Variants in CNTNAP5 observed in about 807,000 individuals in gnomAD.
The protein encoded by CNTNAP5 is contactin-associated protein-like 5.
In CNTNAP5, 72 loss-of-function variants were observed where a neutral mutation model predicts 150.2. The ratio of observed to expected loss-of-function variants is 0.48; its 90% CI spans 0.40 to 0.58. The LOEUF is 0.58. Among genes scored for constraint, CNTNAP5 ranks in the 20% least tolerant of loss-of-function variants. CNTNAP5 has a pLI of 0.00. For synonymous variants in CNTNAP5, 672 were observed against 619.8 expected, an observed-to-expected ratio of 1.08 and a Z score of -1.25; for missense variants, 1,636 against 1,626.2, an observed-to-expected ratio of 1.01 and a Z score of -0.10.
chr2:124,442,830 G>A (rs1352581593), intron 5 of CNTNAP5, among the ~76,000 whole-genome samples: 1 of 152,064 alleles, frequency 6.6e-6, no homozygotes, highest in African/African-American at 2.4e-5. Context: ...CAAAGAAAAG[G>A]AAATAAAAAT....
At chr2:124,340,132 C>A (rs796437711) in intron 3 of CNTNAP5, among the ~76,000 whole-genome samples, 5 of 152,216 alleles carry the variant, frequency 3.3e-5, no homozygotes, top group African/African-American at 1.2e-4. Context: ...ATTATTTTTA[C>A]AAAGGGAGAT....
At chr2:124,164,673 A>C (rs984272452) in intron 1 of CNTNAP5, among the ~76,000 whole-genome samples, 1 of 152,218 alleles carries the variant, frequency 6.6e-6, no homozygotes. Context: ...AGAGAAAGGC[A>C]GAAAGGGAGA....
intron 10 of CNTNAP5, among the ~76,000 whole-genome samples, chr2:124,542,999 G>A (rs569113719): frequency 2.6e-5 from 4 of 152,136 alleles, no homozygotes; most frequent in Non-Finnish European, 5.9e-5. Flanking sequence ...GTTGCTATCC[G>A]AGATTTAGGA....
intron 3 of CNTNAP5, among the ~76,000 whole-genome samples, chr2:124,319,749 A>G (rs888457653): frequency 1.3e-5 from 2 of 152,140 alleles, no homozygotes; most frequent in African/African-American, 4.8e-5. Flanking sequence ...AGATGCCAGT[A>G]GCACCTTTCC....
intron 21 of CNTNAP5, among the ~76,000 whole-genome samples, chr2:124,878,470 A>G (rs1199999050): frequency 6.6e-6 from 1 of 152,076 alleles, no homozygotes; most frequent in Non-Finnish European, 1.5e-5. Context: ...TAATAATAAT[A>G]TAAGAAGCCA....
intron 21 of CNTNAP5, among the ~76,000 whole-genome samples, chr2:124,894,355 C>T (rs1171546186): frequency 6.6e-6 from 1 of 151,316 alleles, no homozygotes; most frequent in East Asian, 1.9e-4. Context: ...TTGGAATATG[C>T]AGTACCCTTG....
At chr2:124,608,623 G>A (rs575113214) in intron 11 of CNTNAP5, among the ~76,000 whole-genome samples, 2 of 152,224 alleles carry the variant, frequency 1.3e-5, no homozygotes, top group South Asian at 4.1e-4. Context: ...TACATGTTAT[G>A]TACTATACTT....
chr2:124,773,010 G>A lies in CNTNAP5; in HGVS notation c.2745G>A (p.Leu915=), dbSNP rs1209338270. Residue 915 remains leucine (L), a synonymous_variant, in exon 17 of 24, where the codon TTG becomes TTA. Transcript: ENST00000682447. ...TTCGACTGCAGCTGAACAGCCAGTT[G>A]TTTGTAGGTAGGGGACATCTTAAGG... ...GHFRLQLNSQ[L]FVGGTSSRQK... is the part of the protein sequence containing the mutation. 1 of 1,612,698 alleles carries A rather than the reference G, an allele frequency of 6.2e-7. No homozygotes were observed. Among genetic ancestry groups the A allele is most frequent in the Admixed American group, 1.7e-5 (1 of 60,006 alleles).
At chr2:124,194,719 A>G (rs986443852) in intron 1 of CNTNAP5, among the ~76,000 whole-genome samples, 8 of 150,624 alleles carry the variant, frequency 5.3e-5, no homozygotes, top group African/African-American at 7.3e-5. Context: ...AATATTTTAT[A>G]TATAACCTTA....
At chr2:124,766,119 G>A (rs1398583026) in intron 16 of CNTNAP5, among the ~76,000 whole-genome samples, 3 of 152,096 alleles carry the variant, frequency 2.0e-5, no homozygotes, top group Non-Finnish European at 4.4e-5. Context: ...TATTTTTAGT[G>A]ACGTTTGCTA....
intron 17 of CNTNAP5, among the ~76,000 whole-genome samples, chr2:124,774,726 A>T (rs1681282364): frequency 6.6e-6 from 1 of 152,202 alleles, no homozygotes; most frequent in Admixed American, 6.5e-5. Flanking sequence ...AGTTTAATTT[A>T]TCTTCAGGCA....
chr2:124,175,562 C>A (rs187477978), intron 1 of CNTNAP5, among the ~76,000 whole-genome samples: 1 of 152,034 alleles, frequency 6.6e-6, no homozygotes, highest in Non-Finnish European at 1.5e-5. Flanking sequence ...GAGCATAGTA[C>A]CCAATAGGTA....
chr2:124,171,995 C>T (rs1344860982), intron 1 of CNTNAP5, among the ~76,000 whole-genome samples: 1 of 152,200 alleles, frequency 6.6e-6, no homozygotes, highest in African/African-American at 2.4e-5. Context: ...AAGGCTTTAA[C>T]ATTTCTATTT....
At chr2:124,415,039 A>G (rs1192020781) in intron 3 of CNTNAP5, among the ~76,000 whole-genome samples, 1 of 152,194 alleles carries the variant, frequency 6.6e-6, no homozygotes, top group African/African-American at 2.4e-5. Flanking sequence ...TATGGACGCA[A>G]GGACATTTTA....
intron 6 of CNTNAP5, among the ~76,000 whole-genome samples, chr2:124,472,258 T>G (rs1471145330): frequency 6.6e-6 from 1 of 152,044 alleles, no homozygotes; most frequent in African/African-American, 2.4e-5. Flanking sequence ...TTTGAAATAA[T>G]CGTGAATAAA....
intron 19 of CNTNAP5, among the ~76,000 whole-genome samples, chr2:124,807,701 G>A (rs544034340): frequency 6.6e-6 from 1 of 152,242 alleles, no homozygotes; most frequent in Admixed American, 6.5e-5. Flanking sequence ...ATGGTACTGT[G>A]TGTACTTCTC....
At chr2:124,773,939 TGTG>T (rs1558770131) in intron 17 of CNTNAP5, among the ~76,000 whole-genome samples, 1 of 147,102 alleles carries the variant, frequency 6.8e-6, no homozygotes, top group Non-Finnish European at 1.5e-5. Context: ...TGTGTGTGTG[TGTG>T]TGTGTGAGAG....
chr2:124,251,999 A>C (rs928612774), intron 3 of CNTNAP5, among the ~76,000 whole-genome samples: 14 of 152,186 alleles, frequency 9.2e-5, no homozygotes, highest in African/African-American at 2.9e-4. Context: ...AGCATTCTGC[A>C]TGTAGATGAG....
intron 1 of CNTNAP5, among the ~76,000 whole-genome samples, chr2:124,156,095 AAC>A (rs1684521809): frequency 6.6e-6 from 1 of 152,248 alleles, no homozygotes; most frequent in South Asian, 2.1e-4. Flanking sequence ...TGTTGCAGAA[AAC>A]ACAGACAAAT....
Sources: allele counts gnomAD v4.1 joint callset (sites outside exome capture counted in the v4.1 genomes callset), GRCh38; gene constraint gnomAD v4.1.1; transcripts MANE v1.5; gene names NCBI Gene and HGNC (gene_info 2026-07-23, HGNC 2026-07-21).